ZNF354C: variants seen among roughly 807,000 people sequenced by gnomAD.
ZNF354C encodes KRAB-zinc finger protein synten.
A neutral mutation model predicts 12.4 loss-of-function variants in ZNF354C; 7 were observed. The ratio of observed to expected loss-of-function variants is 0.56; its 90% CI spans 0.32 to 1.06. The LOEUF (loss-of-function observed/expected upper bound fraction) is 1.06, where lower values mean the gene tolerates loss of function less well. Among genes scored for constraint, ZNF354C ranks in the 50% least tolerant of loss-of-function variants. The pLI is 0.04. For missense variants in ZNF354C, 609 were observed against 658.0 expected (o/e 0.93, Z 0.81); for synonymous variants, 202 against 224.5 (o/e 0.90, Z 0.90).
At chr5:179,071,367 ATTT>A (rs35793705) in intron 2 of ZNF354C, among the ~76,000 whole-genome samples, 36 of 131,516 alleles carry the variant, frequency 2.7e-4, no homozygotes, top group Admixed American at 4.6e-4. Context: ...TGCCAGGCTC[ATTT>A]TTTTTTTTTT....
chr5:179,082,954 C>G lies in ZNF354C; in HGVS notation c.*2857C>G, dbSNP rs879061572. On this transcript the variant is annotated 3_prime_UTR_variant, in exon 5 of 5. Transcript: ENST00000315475. ...CCTGCCTGGAGCTCAAGGCCATCCT[C>G]AACTTCTTTCATATGGAAAAAGAGC... 1.2e-6 allele frequency: 1 copy of G among 838,966 alleles called. No individual in the cohort carries two copies. The highest frequency in any genetic ancestry group is 2.0e-6 in the Non-Finnish European group (1 of 492,064). The allele number at this position is 838,966 out of a possible 1,614,324, so 52.0% of individuals were successfully genotyped here.
At chr5:179,063,682 C>G (rs1015833813) in intron 2 of ZNF354C, among the ~76,000 whole-genome samples, 1 of 152,192 alleles carries the variant, frequency 6.6e-6, no homozygotes, top group Non-Finnish European at 1.5e-5. Flanking sequence ...TACAAGAGGA[C>G]TGTTAATATC....
At chr5:179,072,951 TTAG>T (rs1454291218) in intron 2 of ZNF354C, among the ~76,000 whole-genome samples, 1 of 152,198 alleles carries the variant, frequency 6.6e-6, no homozygotes, top group Non-Finnish European at 1.5e-5. Context: ...TTTCATGTAC[TTAG>T]TAGCCACATA....
intron 2 of ZNF354C, among the ~76,000 whole-genome samples, chr5:179,065,951 C>A (rs1761953890): frequency 6.6e-6 from 1 of 152,168 alleles, no homozygotes. Context: ...TCTTTTTCTG[C>A]CTTCCCATAC....
chr5:179,061,792 G>A (rs1411955475), intron 1 of ZNF354C, among the ~76,000 whole-genome samples: 1 of 152,140 alleles, frequency 6.6e-6, no homozygotes, highest in African/African-American at 2.4e-5. Context: ...TTTGCCTAGA[G>A]GTAGCTGAGA....
In ZNF354C at chr5:179,080,101, ATC is replaced by A; in HGVS notation, c.*9_*10del. 1 of 1,534,986 alleles carries A rather than the reference ATC, an allele frequency of 6.5e-7. No homozygotes were observed. Among genetic ancestry groups the A allele is most frequent in the East Asian group, 2.3e-5 (1 of 44,376 alleles). On this transcript the variant is annotated 3_prime_UTR_variant, in exon 5 of 5. Coordinates refer to ENST00000315475, the MANE Select transcript of ZNF354C (RefSeq NM_014594.3). ...AGATAAAGCCTATGAGGTTTAGTTCATCTCTCAAATAATCCAAGACTTCTCAC... is the reference window on the plus strand; with the variant it reads ...AGATAAAGCCTATGAGGTTTAGTTCATCTCAAATAATCCAAGACTTCTCAC...
chr5:179,065,221 A>G (rs1761944975), intron 2 of ZNF354C, among the ~76,000 whole-genome samples: 1 of 152,136 alleles, frequency 6.6e-6, no homozygotes, highest in Non-Finnish European at 1.5e-5. Flanking sequence ...ACTGAAGTCC[A>G]TGCTTTATTC....
rs1185954186 is a variant in ZNF354C at position 179,079,487 on chromosome 5, G to A, written c.1055G>A (p.Gly352Asp). 2 of 1,614,106 alleles carry A rather than the reference G, an allele frequency of 1.2e-6. No homozygotes were observed. Among genetic ancestry groups the A allele is most frequent in the African/African-American group, 1.3e-5 (1 of 75,040 alleles). Residue 352 changes from glycine (G) to aspartate (D), a missense_variant, in exon 5 of 5, where the codon GGT becomes GAT. Transcript: ENST00000315475. This position sits in a 1 kb window ranked among gnomAD's most constrained non-coding sequence, Gnocchi z 4.2. ...CACAGGCATCAAAGAATCCATACAG[G>A]TGAGAAACCCTATAAATGTAGTGAG... is the stretch of plus-strand genomic sequence containing the variant. ...KLHRHQRIHT[G>D]EKPYKCSECG...
At chr5:179,077,475 G>A (rs1581120651) in intron 4 of ZNF354C, among the ~76,000 whole-genome samples, 1 of 152,096 alleles carries the variant, frequency 6.6e-6, no homozygotes, top group African/African-American at 2.4e-5. Context: ...GCATTTTTCA[G>A]GACTTTAAGA....
intron 2 of ZNF354C, among the ~76,000 whole-genome samples, chr5:179,072,832 TTGTG>T (rs1450030943): frequency 1.3e-5 from 2 of 152,200 alleles, no homozygotes; most frequent in African/African-American, 4.8e-5. Flanking sequence ...GCATATATGT[TTGTG>T]TATGTATGTA....
intron 3 of ZNF354C, 65 bp from the exon 4 acceptor site, chr5:179,077,006 T>C (rs971078800): frequency 1.4e-6 from 2 of 1,383,504 alleles, no homozygotes; most frequent in African/African-American, 1.4e-5. Context: ...GAGTGAGTAG[T>C]AGGTCAGTTC....
Position 179,060,730 on chromosome 5 carries a change from G to C in ZNF354C, c.-55+64G>C, listed in dbSNP as rs915290087. On this transcript the variant is annotated intron_variant, in intron 1 of 4. Transcript: ENST00000315475. The surrounding 1 kb of genome is among the most constrained non-coding windows in gnomAD (Gnocchi z 4.2). ...AGCCTTTTGTCGTTGTTCATTCTGC[G>C]ATTTTCTTCTGTGCATTTTCTTCTG... 3.9e-5 allele frequency: 6 copies of C among 152,284 alleles called. No homozygotes were observed. Among genetic ancestry groups the C allele is most frequent in the African/African-American group, 1.4e-4 (6 of 41,452 alleles). The allele number at this position is 152,284 out of a possible 1,614,324, so 9.4% of individuals were successfully genotyped here. A position where few individuals can be genotyped will look rare whatever the true frequency, so the allele number is the denominator to read the frequency against.
chr5:179,074,946 A>G (rs1360114037), intron 2 of ZNF354C, among the ~76,000 whole-genome samples: 8 of 152,178 alleles, frequency 5.3e-5, no homozygotes, highest in Non-Finnish European at 1.2e-4. Context: ...AAAGAGGTCT[A>G]ACTACAAAGT....
intron 2 of ZNF354C, among the ~76,000 whole-genome samples, chr5:179,069,841 G>A (rs553915919): frequency 6.6e-6 from 1 of 152,316 alleles, no homozygotes; most frequent in Non-Finnish European, 1.5e-5. Context: ...ACTCCAGCCT[G>A]GGCGACAGAG....
chr5:179,076,465 T>C lies in ZNF354C; in HGVS notation c.48T>C (p.Asp16=), dbSNP rs1762124878. 5 of 1,614,210 alleles carry C rather than the reference T, an allele frequency of 3.1e-6. No homozygotes were observed. Among genetic ancestry groups the C allele is most frequent in the Non-Finnish European group, 4.2e-6 (5 of 1,180,038 alleles). The change falls in exon 3 of 5, where the codon GAT becomes GAC. Residue 16 remains aspartate, a synonymous_variant. Coordinates refer to ENST00000315475, the MANE Select transcript of ZNF354C (RefSeq NM_014594.3). ...TACAGGAGCCTGTGACATTCAGGGA[T>C]GTGGCCGTGTTCTTCAGCCAGGACG... ...LSAQEPVTFR[D]VAVFFSQDEW... is the part of the protein sequence containing the mutation.
In ZNF354C at chr5:179,082,887, C is replaced by A; in HGVS notation, c.*2790C>A. On this transcript the variant is annotated 3_prime_UTR_variant, in exon 5 of 5. Transcript: ENST00000315475. The stretch of plus-strand genomic sequence containing the variant: ...CCAAACATTCCAGGCACTGCACTTG[C>A]CAGTGCGCTGATGAAGAATCACGGA... The A allele has an allele frequency of 9.6e-7, 1 of 1,037,456 alleles. No homozygotes were observed. The highest frequency in any genetic ancestry group is 2.4e-5 in the East Asian group (1 of 42,200). The allele number at this position is 1,037,456 out of a possible 1,614,324, so 64.3% of individuals were successfully genotyped here.
At chr5:179,061,110 C>A (rs532070800) in intron 1 of ZNF354C, among the ~76,000 whole-genome samples, 12 of 152,240 alleles carry the variant, frequency 7.9e-5, no homozygotes, top group African/African-American at 2.9e-4. Flanking sequence ...GTCGCGTAAC[C>A]GAGGCCTTGT....
rs1762226603 is a variant in ZNF354C at position 179,081,553 on chromosome 5, CAGTAT to C, written c.*1463_*1467del. ...AATGTTAGAATTAAACTCAAGCAGT[CAGTAT>C]AGTATATTTCTTAACCGACTGGTTT... On this transcript the variant is annotated 3_prime_UTR_variant, in exon 5 of 5. Transcript: ENST00000315475. 1 of 151,950 alleles carries C rather than the reference CAGTAT, an allele frequency of 6.6e-6. No individual in the cohort carries two copies. 9.4% of individuals were successfully genotyped at this position (151,950 alleles called of 1,614,324 possible). A position where few individuals can be genotyped will look rare whatever the true frequency, so the allele number is the denominator to read the frequency against.
In ZNF354C at chr5:179,077,084, A is replaced by G. The variant is rs1238036005; in HGVS notation, c.168A>G (p.Ser56=). Residue 56 remains serine (S), a synonymous_variant, in exon 4 of 5, where the codon TCA becomes TCG. Transcript: ENST00000315475. ...SSLVSLGIPF[S]MPKLIHQLQQ... ...CCTCATGAGCAGGGATTCCATTTTC[A>G]ATGCCAAAGTTGATTCATCAGTTGC... 3 of 1,614,180 alleles carry G rather than the reference A, an allele frequency of 1.9e-6. No homozygotes were observed. Among genetic ancestry groups the G allele is most frequent in the Non-Finnish European group, 2.5e-6 (3 of 1,180,034 alleles).
Sources: gnomAD v4.1 joint callset for allele counts (sites outside exome capture counted in the v4.1 genomes callset) on GRCh38, gnomAD v4.1.1 for gene constraint, Gnocchi (gnomAD v3.1) non-coding constraint, MANE v1.5 for transcripts, NCBI Gene and HGNC (gene_info 2026-07-23, HGNC 2026-07-21) for gene names.